The following ZMPSTE24 variants were observed in gnomAD, a reference collection of about 807,000 sequenced individuals.
The protein encoded by ZMPSTE24 is CAAX prenyl protease 1 homolog.
ZMPSTE24 carries 48 observed loss-of-function variants against 56.7 expected under a neutral mutation model. That is an observed-to-expected ratio of 0.85 (90% CI 0.67 to 1.08). The LOEUF (loss-of-function observed/expected upper bound fraction) is 1.08. Ranked by LOEUF, ZMPSTE24 falls within the 50% of genes least tolerant of loss-of-function variation. The pLI is 0.00. For synonymous variants in ZMPSTE24, 172 were observed against 195.2 expected, an observed-to-expected ratio of 0.88 and a Z score of 0.99; for missense variants, 503 against 548.7, an observed-to-expected ratio of 0.92 and a Z score of 0.83.
At chr1:40,277,609 A>C (rs2124587190) in intron 6 of ZMPSTE24, among the ~76,000 whole-genome samples, 1 of 152,278 alleles carries the variant, frequency 6.6e-6, no homozygotes, top group Admixed American at 6.5e-5. Flanking sequence ...GTGTGCATAC[A>C]ATCTGCTTAC....
Position 40,286,017 on chromosome 1 carries a change from C to T in ZMPSTE24, c.1047C>T (p.Ile349=). 1.9e-6 allele frequency: 3 copies of T among 1,613,150 alleles called. No individual in the cohort carries two copies. The highest frequency in any genetic ancestry group is 2.5e-6 in the Non-Finnish European group (3 of 1,179,294). Residue 349 remains isoleucine (I), a synonymous_variant, in exon 8 of 10, where the codon ATC becomes ATT. Coordinates refer to ENST00000372759, the MANE Select transcript of ZMPSTE24 (RefSeq NM_005857.5). ...AGTTGGGACATACAGTCAAAAATATCATTATTAGCCAGGTAAGTGTGGAGT... is the reference window on the plus strand; with the variant it reads ...AGTTGGGACATACAGTCAAAAATATTATTATTAGCCAGGTAAGTGTGGAGT... ...HWKLGHTVKN[I]IISQMNSFLC... is the part of the protein sequence containing the mutation.
rs1203777177 is a variant in ZMPSTE24, at chr1:40,283,440, G to A, written c.954+1913G>A. 2.0e-5 allele frequency among the ~76,000 whole-genome samples: 3 copies of A among 152,138 alleles called. No individual in the cohort carries two copies. In the East Asian group the frequency reaches 5.8e-4, roughly 29 times the overall value. On this transcript the variant is annotated intron_variant, in intron 7 of 9. Coordinates refer to ENST00000372759, the MANE Select transcript of ZMPSTE24 (RefSeq NM_005857.5). Reference sequence around the variant, plus strand: ...GAGTTGCTTGAACCTGGGAGGTGGAGGTTACAGTGAACTGAGATCCTGCCT... The same window carrying A: ...GAGTTGCTTGAACCTGGGAGGTGGAAGTTACAGTGAACTGAGATCCTGCCT...
At chr1:40,283,630 ATC>A (rs1643753639) in intron 7 of ZMPSTE24, among the ~76,000 whole-genome samples, 1 of 151,554 alleles carries the variant, frequency 6.6e-6, no homozygotes, top group Admixed American at 6.6e-5. Context: ...CTTGATGGGG[ATC>A]TGTTTTCATC....
intron 2 of ZMPSTE24, among the ~76,000 whole-genome samples, chr1:40,261,202 G>C (rs1190310781): frequency 6.6e-6 from 1 of 152,140 alleles, no homozygotes; most frequent in Non-Finnish European, 1.5e-5. Flanking sequence ...AGCCAGGTAG[G>C]AAAAAGATCC....
Position 40,285,947 on chromosome 1 carries a change from A to G in ZMPSTE24, c.977A>G (p.Asn326Ser). ...CAGAATAAGAAACAAGGATGTAAAAATGAGGAGGTACTCGCTGTACTAGGC... is the reference window on the plus strand; with the variant it reads ...CAGAATAAGAAACAAGGATGTAAAAGTGAGGAGGTACTCGCTGTACTAGGC... ...KVKNKKQGCK[N>S]EEVLAVLGHE... The change falls in exon 8 of 10, where the codon AAT becomes AGT. Residue 326 changes from asparagine (N) to serine (S), a missense_variant. Transcript: ENST00000372759. 2 of 1,613,966 alleles carry G rather than the reference A, an allele frequency of 1.2e-6. No homozygotes were observed. Among genetic ancestry groups the G allele is most frequent in the South Asian group, 2.2e-5 (2 of 91,052 alleles).
chr1:40,285,863 G>C (rs2124593338), intron 7 of ZMPSTE24, 62 bp from the exon 8 acceptor site: 2 of 1,343,176 alleles, frequency 1.5e-6, no homozygotes, highest in Non-Finnish European at 1.0e-6. Context: ...GCTATTACTG[G>C]GTTAAAAGAT....
chr1:40,269,759 C>T lies in ZMPSTE24; in HGVS notation c.475-216C>T, dbSNP rs78494655. Among the ~76,000 whole-genome samples, 147 of 152,298 alleles carry T rather than the reference C, an allele frequency of 9.7e-4. 4 individuals are homozygous for T. In the East Asian group the frequency reaches 0.027, roughly 28 times the overall value. ...GGAATTACAGTTGTGAGCCACTGCACTCGTCCTCAGTTAATAAGGTTTAAA... is the reference window on the plus strand; with the variant it reads ...GGAATTACAGTTGTGAGCCACTGCATTCGTCCTCAGTTAATAAGGTTTAAA... On this transcript the variant is annotated intron_variant, in intron 4 of 9. Transcript: ENST00000372759.
intron 2 of ZMPSTE24, chr1:40,262,712 A>G (rs1643510483): frequency 1.8e-6 from 1 of 551,368 alleles, no homozygotes; most frequent in Non-Finnish European, 2.5e-6. Flanking sequence ...ACTTGACTTA[A>G]TATTTTGCAT....
chr1:40,275,265 CAAAAAAAAAA>C (rs869166476), intron 6 of ZMPSTE24, among the ~76,000 whole-genome samples: 2 of 38,626 alleles, frequency 5.2e-5, no homozygotes, highest in Admixed American at 3.4e-4. Context: ...ACTAAAAATA[CAAAAAAAAAA>C]AAAAAAAAAA....
chr1:40,261,049 C>T (rs1352697177), intron 2 of ZMPSTE24, 64 bp downstream of exon 2: 4 of 1,582,682 alleles, frequency 2.5e-6, no homozygotes, highest in Non-Finnish European at 3.5e-6. Flanking sequence ...ATTTTTGTAA[C>T]ACAAAAGAGG....
chr1:40,282,890 T>A (rs1643744769), intron 7 of ZMPSTE24, among the ~76,000 whole-genome samples: 1 of 151,878 alleles, frequency 6.6e-6, no homozygotes, highest in Non-Finnish European at 1.5e-5. Context: ...TGGGGCCGAG[T>A]CTCCCCTGGT....
rs111583298 is a variant in ZMPSTE24 at position 40,271,168 on chromosome 1, A to G, written c.628-726A>G. 4.5e-3 allele frequency among the ~76,000 whole-genome samples: 686 copies of G among 152,322 alleles called. 8 individuals are homozygous for G. Among genetic ancestry groups the G allele is most frequent in the African/African-American group, 0.016 (656 of 41,572 alleles). On this transcript the variant is annotated intron_variant, in intron 5 of 9. Transcript: ENST00000372759. ...CAGCTTTGAGCTCCTGGGCTCAAGC[A>G]GTCCTCCTGCCTTGGCCTCCTGAGT...
At chr1:40,290,340 G>A (rs547855736) in intron 8 of ZMPSTE24, among the ~76,000 whole-genome samples, 8 of 150,964 alleles carry the variant, frequency 5.3e-5, no homozygotes, top group Non-Finnish European at 7.4e-5. Flanking sequence ...AGCCGAGATC[G>A]TGCCACTGAG....
chr1:40,291,927 G>A lies in ZMPSTE24; in HGVS notation c.1204-518G>A, dbSNP rs575947169. On this transcript the variant is annotated intron_variant, in intron 9 of 9. Transcript: ENST00000372759. ...GTCATCTTGGCTCACTGCAACCTCC[G>A]CCTCCCGGGTTCAAGCAATTCTCCT... is the stretch of plus-strand genomic sequence containing the variant. Among the ~76,000 whole-genome samples, 223 of 148,300 alleles carry A rather than the reference G, an allele frequency of 1.5e-3. 1 individual carries two copies. The highest frequency in any genetic ancestry group is 3.9e-3 in the Admixed American group (57 of 14,502).
At chr1:40,291,066 A>G in intron 9 of ZMPSTE24, 69 bp downstream of exon 9, 3 of 1,579,688 alleles carry the variant, frequency 1.9e-6, no homozygotes, top group Non-Finnish European at 2.6e-6. Context: ...CTTTCAGGAT[A>G]GTGAAAAAGG....
chr1:40,270,269 T>C, intron 5 of ZMPSTE24, 142 bp downstream of exon 5: 1 of 1,029,390 alleles, frequency 9.7e-7, no homozygotes, highest in Non-Finnish European at 1.5e-6. Flanking sequence ...TGGTTTCTGC[T>C]TTTGATTGTA....
intron 8 of ZMPSTE24, among the ~76,000 whole-genome samples, chr1:40,287,063 T>TTTTC (rs1557782002): frequency 6.8e-6 from 1 of 147,614 alleles, no homozygotes; most frequent in African/African-American, 2.5e-5. Context: ...CATTTTTTTC[T>TTTTC]TTTTCTTTTC....
intron 2 of ZMPSTE24, among the ~76,000 whole-genome samples, chr1:40,261,443 A>G (rs1643495954): frequency 1.3e-5 from 2 of 149,786 alleles, no homozygotes; most frequent in South Asian, 4.2e-4. Context: ...TCTGCTTCCT[A>G]GGCGCAAATG....
intron 2 of ZMPSTE24, among the ~76,000 whole-genome samples, chr1:40,265,885 T>C (rs894005946): frequency 6.6e-6 from 1 of 152,094 alleles, no homozygotes; most frequent in African/African-American, 2.4e-5. Flanking sequence ...TTGAGACCCA[T>C]GATATTAAAC....
Sources: allele counts gnomAD v4.1 joint callset (sites outside exome capture counted in the v4.1 genomes callset), GRCh38; gene constraint gnomAD v4.1.1; transcripts MANE v1.5; gene names NCBI Gene and HGNC (gene_info 2026-07-23, HGNC 2026-07-21).